The following ACTR3C variants were observed in gnomAD, a reference collection of about 807,000 sequenced individuals.
The protein encoded by ACTR3C is actin related protein 3C.
A neutral mutation model predicts 26.3 loss-of-function variants in ACTR3C; 18 were observed. The ratio of observed to expected loss-of-function variants is 0.68; its 90% CI spans 0.47 to 1.01. The LOEUF is 1.01. Among genes scored for constraint, ACTR3C ranks in the 50% least tolerant of loss-of-function variants. The probability of loss-of-function intolerance (pLI) is 0.00; values close to 1 mark genes in which losing one functional copy is unlikely to be tolerated. For missense variants in ACTR3C, 184 were observed against 250.7 expected, an observed-to-expected ratio of 0.73 and a Z score of 1.80; for synonymous variants, 55 against 94.5, an observed-to-expected ratio of 0.58 and a Z score of 2.42.
the ACTR3C span, among the ~76,000 whole-genome samples, chr7:149,891,729 G>A: frequency 5.2e-5 from 7 of 133,866 alleles, no homozygotes; most frequent in Admixed American, 5.8e-4. Context: ...GGAAGTTGAG[G>A]TGAGAGGATT....
intron 6 of ACTR3C, among the ~76,000 whole-genome samples, chr7:150,272,144 T>C (rs1834496103): frequency 6.8e-6 from 1 of 146,578 alleles, no homozygotes; most frequent in Non-Finnish European, 1.5e-5. Flanking sequence ...GTGTGACAGG[T>C]ACTGTTATTA....
the ACTR3C span, among the ~76,000 whole-genome samples, chr7:150,031,496 C>T: frequency 6.6e-6 from 1 of 152,074 alleles, no homozygotes; most frequent in African/African-American, 2.4e-5. Flanking sequence ...ACATCCTTGG[C>T]CCCCAGGAAC....
At chr7:149,982,026 GT>G in the ACTR3C span, among the ~76,000 whole-genome samples, 1 of 152,226 alleles carries the variant, frequency 6.6e-6, no homozygotes, top group South Asian at 2.1e-4. Flanking sequence ...ATGCTCAGAT[GT>G]TGCCGAAGTC....
the ACTR3C span, among the ~76,000 whole-genome samples, chr7:150,236,909 A>G: frequency 1.3e-5 from 2 of 150,840 alleles, no homozygotes; most frequent in African/African-American, 5.0e-5. Context: ...TAGCTTTTAG[A>G]TAGTCTTTTC....
the ACTR3C span, chr7:150,001,201 G>GT: frequency 6.6e-6 from 1 of 152,344 alleles, no homozygotes; most frequent in Non-Finnish European, 1.5e-5. Flanking sequence ...GGAAGACCAG[G>GT]TGAAGGCCCA....
chr7:150,102,418 C>A, the ACTR3C span, among the ~76,000 whole-genome samples: 1 of 152,014 alleles, frequency 6.6e-6, no homozygotes, highest in Non-Finnish European at 1.5e-5. Context: ...CTAGTTCTGG[C>A]ACATTTTGTT....
chr7:150,142,218 G>A, the ACTR3C span, among the ~76,000 whole-genome samples: 1 of 152,164 alleles, frequency 6.6e-6, no homozygotes, highest in African/African-American at 2.4e-5. Flanking sequence ...CACCCACCTA[G>A]TTCGTCTACA....
intron 6 of ACTR3C, among the ~76,000 whole-genome samples, chr7:150,283,650 T>C (rs1281674275): frequency 6.6e-6 from 1 of 152,134 alleles, no homozygotes; most frequent in African/African-American, 2.4e-5. Flanking sequence ...TTTCACTTCA[T>C]ATATACTATA....
At chr7:150,184,682 CTA>C in the ACTR3C span, among the ~76,000 whole-genome samples, 3 of 150,580 alleles carry the variant, frequency 2.0e-5, no homozygotes, top group Admixed American at 1.3e-4. Flanking sequence ...CACTGAATAA[CTA>C]TCATTTAGAA....
At chr7:149,975,417 A>G in the ACTR3C span, among the ~76,000 whole-genome samples, 1 of 152,162 alleles carries the variant, frequency 6.6e-6, no homozygotes, top group African/African-American at 2.4e-5. Flanking sequence ...AATTGGAAGG[A>G]AAATTATAGC....
At chr7:150,039,879 C>G in the ACTR3C span, among the ~76,000 whole-genome samples, 2 of 129,578 alleles carry the variant, frequency 1.5e-5, no homozygotes, top group East Asian at 5.4e-4. Context: ...GGGGCTCGCT[C>G]TCAGTCCCCG....
chr7:150,255,785 G>A (rs1345612763), intron 6 of ACTR3C, among the ~76,000 whole-genome samples: 1 of 152,220 alleles, frequency 6.6e-6, no homozygotes, highest in Non-Finnish European at 1.5e-5. Flanking sequence ...ATGTGTACAT[G>A]AGTGTGTATA....
chr7:150,050,341 T>C, the ACTR3C span, among the ~76,000 whole-genome samples: 154 of 152,348 alleles, frequency 1.0e-3, 1 homozygote, highest in Non-Finnish European at 1.3e-3. Context: ...TGATACTTCA[T>C]AGATGTGTGC....
chr7:149,933,023 A>C, the ACTR3C span, among the ~76,000 whole-genome samples: 1 of 144,470 alleles, frequency 6.9e-6, no homozygotes, highest in South Asian at 2.4e-4. Context: ...AGCGGGCCTG[A>C]GCTGAAGCTG....
intron 3 of ACTR3C, among the ~76,000 whole-genome samples, chr7:150,291,762 AG>A (rs1397298283): frequency 1.2e-4 from 18 of 151,970 alleles, no homozygotes; most frequent in Admixed American, 1.2e-3. Context: ...CAGTTCTCTG[AG>A]GAAATGGCAG....
chr7:149,960,387 G>A, the ACTR3C span, among the ~76,000 whole-genome samples: 12 of 152,252 alleles, frequency 7.9e-5, no homozygotes, highest in East Asian at 1.7e-3. Context: ...AATGCACCGC[G>A]CACCTTTTCA....
the ACTR3C span, among the ~76,000 whole-genome samples, chr7:149,938,287 T>C: frequency 6.6e-5 from 10 of 152,338 alleles, no homozygotes; most frequent in South Asian, 4.1e-4. Flanking sequence ...CTTTGAGGAA[T>C]GTTGTTTCAT....
chr7:150,081,296 TAGAA>T, the ACTR3C span, among the ~76,000 whole-genome samples: 1,368 of 138,406 alleles, frequency 9.9e-3, 56 homozygotes, highest in African/African-American at 0.036. Context: ...AGAGAAGAAA[TAGAA>T]AGAGAAGAGA....
chr7:149,904,887 G>A, the ACTR3C span, among the ~76,000 whole-genome samples: 68,668 of 150,412 alleles, frequency 0.46, 18,287 homozygotes, highest in South Asian at 0.73. Context: ...TTAGCTGGAC[G>A]TGGTGGTGGG....
Sources: allele counts gnomAD v4.1 joint callset (sites outside exome capture counted in the v4.1 genomes callset), GRCh38; gene constraint gnomAD v4.1.1; transcripts MANE v1.5; gene names NCBI Gene and HGNC (gene_info 2026-07-23, HGNC 2026-07-21).